Variants in RAB38 observed in about 807,000 individuals in gnomAD.
RAB38 encodes RAB38, member RAS oncogene family.
A neutral mutation model predicts 18.4 loss-of-function variants in RAB38; 15 were observed. The ratio of observed to expected loss-of-function variants is 0.82; its 90% CI spans 0.55 to 1.26. RAB38 has a LOEUF of 1.26. Among genes scored for constraint, RAB38 ranks in the 50% most tolerant of loss-of-function variants. The pLI, the probability that RAB38 is intolerant of heterozygous loss-of-function variation, is 0.00. For synonymous variants in RAB38, 101 were observed against 104.4 expected (o/e 0.97, Z 0.20); for missense variants, 294 against 267.4 (o/e 1.10, Z -0.69).
At chr11:88,004,383 C>G in the RAB38 span, among the ~76,000 whole-genome samples, 1 of 151,028 alleles carries the variant, frequency 6.6e-6, no homozygotes, top group Non-Finnish European at 1.5e-5. Context: ...TCAAGAGCAA[C>G]AGGATCACCA....
the RAB38 span, among the ~76,000 whole-genome samples, chr11:88,057,729 G>C: frequency 3.9e-5 from 6 of 152,124 alleles, 1 homozygote; most frequent in Admixed American, 1.3e-4. Context: ...TTTAGCCTGT[G>C]TGTTTCCTCC....
chr11:87,963,723 T>G, the RAB38 span, among the ~76,000 whole-genome samples: 1 of 151,664 alleles, frequency 6.6e-6, no homozygotes, highest in Admixed American at 6.6e-5. Flanking sequence ...CTCGGCTCCC[T>G]GCAACTTCTG....
At chr11:87,852,346 G>A in the RAB38 span, among the ~76,000 whole-genome samples, 3 of 152,268 alleles carry the variant, frequency 2.0e-5, no homozygotes, top group African/African-American at 2.4e-5. Context: ...TAAGTAGTAC[G>A]TAAGTCCTGA....
chr11:88,151,341 T>C (rs1943061491), intron 1 of RAB38, among the ~76,000 whole-genome samples: 1 of 152,134 alleles, frequency 6.6e-6, no homozygotes, highest in Admixed American at 6.6e-5. Flanking sequence ...GAGTTTCAGA[T>C]CAGAGTTTGT....
the RAB38 span, among the ~76,000 whole-genome samples, chr11:88,014,797 G>C: frequency 6.6e-6 from 1 of 152,094 alleles, no homozygotes; most frequent in Admixed American, 6.6e-5. Context: ...ATAAGGCCAG[G>C]TGGCAGAGAC....
chr11:87,813,499 T>TCACACACACACACACACA, the RAB38 span, among the ~76,000 whole-genome samples: 2 of 146,846 alleles, frequency 1.4e-5, no homozygotes, highest in African/African-American at 5.0e-5. Context: ...ATCATACACA[T>TCACACACACACACACACA]CACACACACA....
chr11:87,873,872 G>A, the RAB38 span, among the ~76,000 whole-genome samples: 4 of 138,766 alleles, frequency 2.9e-5, no homozygotes, highest in African/African-American at 1.1e-4. Flanking sequence ...GTGTGTGTGT[G>A]TGTGTATATA....
At chr11:88,095,347 T>C in the RAB38 span, among the ~76,000 whole-genome samples, 2 of 151,852 alleles carry the variant, frequency 1.3e-5, no homozygotes, top group African/African-American at 4.8e-5. Flanking sequence ...TCTGTCATAG[T>C]TACAGTAATT....
At chr11:87,882,116 A>G in the RAB38 span, among the ~76,000 whole-genome samples, 1 of 151,900 alleles carries the variant, frequency 6.6e-6, no homozygotes, top group African/African-American at 2.4e-5. Flanking sequence ...TTGGTTTTCT[A>G]ATAGAATTTT....
the RAB38 span, among the ~76,000 whole-genome samples, chr11:87,841,444 T>C: frequency 1.3e-5 from 2 of 152,190 alleles, no homozygotes; most frequent in African/African-American, 4.8e-5. Context: ...TCAGCTATCT[T>C]TACTATTGTG....
the RAB38 span, among the ~76,000 whole-genome samples, chr11:87,914,928 C>G: frequency 2.0e-5 from 3 of 152,110 alleles, no homozygotes; most frequent in Non-Finnish European, 4.4e-5. Flanking sequence ...GCTGCAGGTG[C>G]CCAGAATGCA....
the RAB38 span, among the ~76,000 whole-genome samples, chr11:87,912,958 G>A: frequency 2.7e-4 from 41 of 151,042 alleles, no homozygotes; most frequent in South Asian, 8.3e-4. Context: ...TTTCATTTTC[G>A]TCCAGTTCAC....
the RAB38 span, among the ~76,000 whole-genome samples, chr11:87,961,766 A>G: frequency 9.2e-5 from 14 of 152,252 alleles, 1 homozygote; most frequent in South Asian, 2.3e-3. Flanking sequence ...CAGACCAAAT[A>G]CTACACTCTT....
intron 1 of RAB38, chr11:88,174,039 T>G (rs1591182359): frequency 1.0e-6 from 1 of 985,372 alleles, no homozygotes; most frequent in Non-Finnish European, 1.2e-6. Flanking sequence ...TAACGAAAGG[T>G]TCCTGGTGTC....
chr11:87,855,617 G>A, the RAB38 span, among the ~76,000 whole-genome samples: 28 of 152,206 alleles, frequency 1.8e-4, no homozygotes, highest in African/African-American at 6.5e-4. Flanking sequence ...TGCAAATAAT[G>A]TTTCATAATT....
chr11:87,954,860 C>T, the RAB38 span, among the ~76,000 whole-genome samples: 1 of 152,142 alleles, frequency 6.6e-6, no homozygotes, highest in African/African-American at 2.4e-5. Flanking sequence ...AAAGCATTAT[C>T]CCGTGTTTAT....
chr11:88,023,636 T>G, the RAB38 span, among the ~76,000 whole-genome samples: 1 of 152,120 alleles, frequency 6.6e-6, no homozygotes, highest in Non-Finnish European at 1.5e-5. Context: ...TTACATTACC[T>G]GACTTCAAAT....
chr11:88,011,327 AT>A, the RAB38 span, among the ~76,000 whole-genome samples: 2 of 152,214 alleles, frequency 1.3e-5, no homozygotes, highest in South Asian at 4.1e-4. Flanking sequence ...TCTTGTTTTT[AT>A]TAAAATTTAT....
At chr11:87,896,034 GTTAT>G in the RAB38 span, among the ~76,000 whole-genome samples, 3 of 151,752 alleles carry the variant, frequency 2.0e-5, no homozygotes, top group African/African-American at 7.2e-5. Flanking sequence ...TCTTTAAAAT[GTTAT>G]TTATTTGGAT....
Sources: allele counts gnomAD v4.1 joint callset (sites outside exome capture counted in the v4.1 genomes callset), GRCh38; gene constraint gnomAD v4.1.1; transcripts MANE v1.5; gene names NCBI Gene and HGNC (gene_info 2026-07-23, HGNC 2026-07-21).